Variants in SPATA6 observed in about 807,000 individuals in gnomAD.
SPATA6 encodes the protein spermatogenesis associated 6, also known as spermatogenesis-associated protein 6.
SPATA6 carries 56 observed loss-of-function variants against 65.3 expected under a neutral mutation model. That is an observed-to-expected ratio of 0.86 (90% CI 0.69 to 1.07). The LOEUF is 1.07. SPATA6 is among the 50% of genes least tolerant of loss of function. The pLI, the probability that SPATA6 is intolerant of heterozygous loss-of-function variation, is 0.00. For missense variants in SPATA6, 590 were observed against 594.8 expected (o/e 0.99, Z 0.08); for synonymous variants, 199 against 213.2 (o/e 0.93, Z 0.58).
chr1:48,350,608 A>T (rs557279991), intron 11 of SPATA6, among the ~76,000 whole-genome samples: 2 of 151,914 alleles, frequency 1.3e-5, no homozygotes, highest in Non-Finnish European at 2.9e-5. Flanking sequence ...AAAATCTAGA[A>T]CCATTTGTTT....
chr1:48,394,469 A>G (rs1650385293), intron 8 of SPATA6, among the ~76,000 whole-genome samples: 1 of 152,056 alleles, frequency 6.6e-6, no homozygotes, highest in Non-Finnish European at 1.5e-5. Flanking sequence ...ATAATCTGCT[A>G]TTGTGGATAT....
At chr1:48,278,868 A>C in the SPATA6 span, among the ~76,000 whole-genome samples, 837 of 152,294 alleles carry the variant, frequency 5.5e-3, 11 homozygotes, top group African/African-American at 0.019. Flanking sequence ...CAACTCCAAG[A>C]CACATAATTG....
At chr1:48,279,559 T>C in the SPATA6 span, among the ~76,000 whole-genome samples, 750 of 151,310 alleles carry the variant, frequency 5.0e-3, 3 homozygotes, top group Middle Eastern at 0.01. Flanking sequence ...AGACTTTAAA[T>C]CAACAAAGAT....
intron 5 of SPATA6, among the ~76,000 whole-genome samples, chr1:48,407,829 T>C (rs1651850979): frequency 6.6e-6 from 1 of 152,184 alleles, no homozygotes; most frequent in Non-Finnish European, 1.5e-5. Context: ...ATCTTCCAAA[T>C]AAATGCAAAA....
chr1:48,451,567 C>G lies in SPATA6; in HGVS notation c.223G>C (p.Val75Leu). Residue 75 changes from valine (V) to leucine (L), a missense_variant, in exon 3 of 13, where the codon GTT (valine) becomes CTT (leucine). Val to Leu is a conservative substitution (Grantham distance 32). Coordinates refer to ENST00000371847, the MANE Select transcript of SPATA6 (RefSeq NM_019073.4). ...FPDAVDPGDV[V>L]TQLEYDTAVF... ...AAAAACTTACATTCAAGCTGTGTAA[C>G]CACATCTCCAGGATCTACTGCGTCC... The G allele has an allele frequency of 6.2e-7, 1 of 1,612,064 alleles. No homozygotes were observed.
chr1:48,466,420 C>T (rs1244622721), intron 1 of SPATA6, among the ~76,000 whole-genome samples: 1 of 151,982 alleles, frequency 6.6e-6, no homozygotes, highest in East Asian at 1.9e-4. Flanking sequence ...AGGTTATACA[C>T]AGACATACAC....
chr1:48,425,549 C>A (rs1449285270), intron 3 of SPATA6, among the ~76,000 whole-genome samples: 1 of 152,030 alleles, frequency 6.6e-6, no homozygotes, highest in African/African-American at 2.4e-5. Flanking sequence ...GCTTAAACTA[C>A]CAGATAGCAA....
rs75967911 is a variant in SPATA6, at chr1:48,413,671, T to G, written c.239-520A>C. On this transcript the variant is annotated intron_variant, in intron 3 of 12. Transcript: ENST00000371847. ...AGAGTGGTGAGTACAGTGAGATACATTGACTCTTGAACAACTTGAGCGTTA... is the reference window on the plus strand; with the variant it reads ...AGAGTGGTGAGTACAGTGAGATACAGTGACTCTTGAACAACTTGAGCGTTA... Among the ~76,000 whole-genome samples the G allele has an allele frequency of 3.3e-5, 5 of 152,026 alleles. No homozygotes were observed. The South Asian group carries it at 6.2e-4, about 19-fold the overall frequency.
At chr1:48,362,871 G>T (rs542945636) in intron 9 of SPATA6, among the ~76,000 whole-genome samples, 4 of 152,044 alleles carry the variant, frequency 2.6e-5, no homozygotes, top group Non-Finnish European at 5.9e-5. Context: ...TCATAGAGGT[G>T]GGAGGGATAC....
chr1:48,401,789 C>T (rs986960590), intron 6 of SPATA6, among the ~76,000 whole-genome samples: 3 of 152,122 alleles, frequency 2.0e-5, no homozygotes, highest in Non-Finnish European at 2.9e-5. Context: ...AATCAACCAG[C>T]AGATCCACAG....
intron 11 of SPATA6, among the ~76,000 whole-genome samples, chr1:48,336,037 A>G (rs1424729622): frequency 6.6e-6 from 1 of 152,122 alleles, no homozygotes; most frequent in Non-Finnish European, 1.5e-5. Context: ...AAAATGTACA[A>G]TATCACTAAT....
At chr1:48,334,544 T>C (rs144879070) in intron 11 of SPATA6, among the ~76,000 whole-genome samples, 2 of 152,182 alleles carry the variant, frequency 1.3e-5, no homozygotes, top group African/African-American at 4.8e-5. Context: ...CATATGATTA[T>C]ATCAATGAAT....
the SPATA6 span, among the ~76,000 whole-genome samples, chr1:48,268,421 G>T: frequency 1.3e-5 from 2 of 151,920 alleles, no homozygotes; most frequent in African/African-American, 4.8e-5. Flanking sequence ...ACATTCCTAA[G>T]AGCTATGGAA....
In SPATA6 at chr1:48,385,249, A is replaced by T. The variant is rs111973193; in HGVS notation, c.909+60T>A. On this transcript the variant is annotated intron_variant, in intron 9 of 12. Coordinates refer to ENST00000371847, the MANE Select transcript of SPATA6 (RefSeq NM_019073.4). The stretch of plus-strand genomic sequence containing the variant: ...TATCTGATATACATATATATGAAAT[A>T]GACTCATGTTGTTGTCTGAAAGCCA... The T allele has an allele frequency of 1.3e-3, 1,896 of 1,425,970 alleles. 25 individuals are homozygous for T. The African/African-American group carries it at 0.024, about 18-fold the overall frequency. The allele number at this position is 1,425,970 out of a possible 1,614,324, so 88.3% of individuals were successfully genotyped here.
At position 48,389,301 on chromosome 1, in the gene SPATA6, G is replaced by A. The variant is rs551858457; in HGVS notation, c.869-3952C>T. ...TGTGATCTATGGGACACAATAAAGC[G>A]ACCAAATATACAAATCATCTGTATC... On this transcript the variant is annotated intron_variant, in intron 8 of 12. Coordinates refer to ENST00000371847, the MANE Select transcript of SPATA6 (RefSeq NM_019073.4). 2.0e-5 allele frequency among the ~76,000 whole-genome samples: 3 copies of A among 152,156 alleles called. No homozygotes were observed. The South Asian group carries it at 6.2e-4, about 32-fold the overall frequency.
intron 1 of SPATA6, among the ~76,000 whole-genome samples, chr1:48,457,357 G>A (rs2148174344): frequency 6.6e-6 from 1 of 152,000 alleles, no homozygotes. Context: ...GCTTGAACCA[G>A]GGAGGCAGAG....
At chr1:48,304,592 T>C (rs1489381733) in intron 12 of SPATA6, among the ~76,000 whole-genome samples, 3 of 152,152 alleles carry the variant, frequency 2.0e-5, no homozygotes, top group African/African-American at 4.8e-5. Context: ...GATCCTCCGA[T>C]GGGGGCCTCC....
At chr1:48,400,259 C>T (rs1032019336) in intron 6 of SPATA6, among the ~76,000 whole-genome samples, 1 of 151,786 alleles carries the variant, frequency 6.6e-6, no homozygotes, top group African/African-American at 2.4e-5. Context: ...AACATACCAT[C>T]TTAATTCTGG....
chr1:48,379,744 T>C (rs1365516787), intron 9 of SPATA6, among the ~76,000 whole-genome samples: 1 of 152,008 alleles, frequency 6.6e-6, no homozygotes, highest in Non-Finnish European at 1.5e-5. Context: ...GCTCTTTTCC[T>C]TAAAGCCACT....
Sources: gnomAD v4.1 joint callset for allele counts (sites outside exome capture counted in the v4.1 genomes callset) on GRCh38, gnomAD v4.1.1 for gene constraint, MANE v1.5 for transcripts, NCBI Gene and HGNC (gene_info 2026-07-23, HGNC 2026-07-21) for gene names.